ARPIN: variants seen among roughly 807,000 people sequenced by gnomAD.
The protein encoded by ARPIN is actin related protein 2/3 complex inhibitor.
ARPIN carries 23 observed loss-of-function variants against 25.9 expected under a neutral mutation model. The observed-to-expected ratio is 0.89, with a 90% CI of 0.64 to 1.26. ARPIN has a LOEUF of 1.26. ARPIN is among the 50% of genes most tolerant of loss of function. The pLI is 0.00. For synonymous variants in ARPIN, 126 were observed against 131.4 expected, an observed-to-expected ratio of 0.96 and a Z score of 0.28; for missense variants, 333 against 312.2, an observed-to-expected ratio of 1.07 and a Z score of -0.50.
rs1285264901 is a variant in ARPIN, at chr15:89,908,284, GGAC to G, written c.294_296del (p.Ser99del). On this transcript the variant is annotated inframe_deletion, in exon 3 of 6. Coordinates refer to ENST00000357484, the MANE Select transcript of ARPIN (RefSeq NM_182616.4). Reference sequence around the variant, plus strand: ...GGGAGGGCAGAGGATACCTACTGTAGGACGACATGAGGAAGCCCGTGTTCACCT... The same window carrying G: ...GGGAGGGCAGAGGATACCTACTGTAGGACATGAGGAAGCCCGTGTTCACCT... The G allele has an allele frequency of 2.5e-6, 4 of 1,614,028 alleles. No individual in the cohort carries two copies. Among genetic ancestry groups the G allele is most frequent in the African/African-American group, 1.3e-5 (1 of 74,930 alleles).
rs79709796 is a variant in ARPIN, at chr15:89,895,879, TTTTGTTTGTTTGTTTG to T, written c.*5900_*5915del. 6.6e-6 allele frequency: 1 copy of T among 151,398 alleles called. No homozygotes were observed. The highest frequency in any genetic ancestry group is 2.4e-5 in the African/African-American group (1 of 40,946). 9.4% of individuals were successfully genotyped at this position (151,398 alleles called of 1,614,324 possible). A position where few individuals can be genotyped will look rare whatever the true frequency, so the allele number is the denominator to read the frequency against. On this transcript the variant is annotated 3_prime_UTR_variant, in exon 6 of 6. Transcript: ENST00000357484. ...AACCGCCACCACGCCTAGTCCAGTT[TTTTGTTTGTTTGTTTG>T]TTTGTTTGTTTGAGATGGAGTCTCA...
chr15:89,906,574 T>C (rs1567196065), intron 3 of ARPIN, among the ~76,000 whole-genome samples: 1 of 152,194 alleles, frequency 6.6e-6, no homozygotes, highest in East Asian at 1.9e-4. Context: ...CTAAGAACAT[T>C]TCAAGTATAC....
intron 5 of ARPIN, among the ~76,000 whole-genome samples, chr15:89,902,120 A>C (rs367677344): frequency 4.6e-4 from 70 of 152,322 alleles, no homozygotes; most frequent in African/African-American, 1.5e-3. Context: ...TCAGATGTTC[A>C]TTTTGAGGCC....
intron 3 of ARPIN, among the ~76,000 whole-genome samples, chr15:89,905,514 C>A (rs7184040): frequency 0.013 from 2,051 of 152,158 alleles, 58 homozygotes; most frequent in African/African-American, 0.047. Flanking sequence ...CTGGCTTTGA[C>A]ACCTACTGCT....
rs1230658488 is a variant in ARPIN, at chr15:89,895,265, C to T, written c.*6530G>A. 1 of 152,046 alleles carries T rather than the reference C, an allele frequency of 6.6e-6. No individual in the cohort carries two copies. Among genetic ancestry groups the T allele is most frequent in the African/African-American group, 2.4e-5 (1 of 41,396 alleles). 9.4% of individuals were successfully genotyped at this position (152,046 alleles called of 1,614,324 possible). ...ATCATGCTGGGAAAGATTTATGATA[C>T]GGAAGTGTTCATGACACCTGTTAAG... On this transcript the variant is annotated 3_prime_UTR_variant, in exon 6 of 6. Coordinates refer to ENST00000357484, the MANE Select transcript of ARPIN (RefSeq NM_182616.4).
chr15:89,906,937 A>T (rs1263786068), intron 3 of ARPIN, among the ~76,000 whole-genome samples: 1 of 151,842 alleles, frequency 6.6e-6, no homozygotes, highest in African/African-American at 2.4e-5. Flanking sequence ...CCTGGGGGAC[A>T]GAGCCAGACT....
rs200381197 is a variant in ARPIN, at chr15:89,897,072, G to A, written c.*4723C>T. The A allele has an allele frequency of 6.6e-6, 1 of 152,312 alleles. No homozygotes were observed. The highest frequency in any genetic ancestry group is 3.4e-3 in the Middle Eastern group (1 of 294). The allele number at this position is 152,312 out of a possible 1,614,324, so 9.4% of individuals were successfully genotyped here. The stretch of plus-strand genomic sequence containing the variant: ...AATATAGTTAGAGGTGGGGAATTAA[G>A]AGAACTATATAATTTTCAACATTTT... On this transcript the variant is annotated 3_prime_UTR_variant, in exon 6 of 6. Coordinates refer to ENST00000357484, the MANE Select transcript of ARPIN (RefSeq NM_182616.4).
intron 3 of ARPIN, among the ~76,000 whole-genome samples, chr15:89,906,253 C>T (rs1399127174): frequency 2.0e-5 from 3 of 152,128 alleles, no homozygotes; most frequent in African/African-American, 7.2e-5. Context: ...ACATCACCTG[C>T]CTACTTAAAA....
intron 5 of ARPIN, 172 bp downstream of exon 5, chr15:89,903,044 A>G (rs1897048691): frequency 3.4e-6 from 5 of 1,490,286 alleles, no homozygotes; most frequent in Non-Finnish European, 3.6e-6. Flanking sequence ...GTCATTCTTC[A>G]TACCTTAGAG....
At chr15:89,910,858 C>A in intron 1 of ARPIN, 39 bp from the exon 2 acceptor site, 2 of 1,610,556 alleles carry the variant, frequency 1.2e-6, no homozygotes, top group South Asian at 2.2e-5. Context: ...CCAGTTTTGT[C>A]AGTCCTCAGC....
Position 89,910,817 on chromosome 15 carries a change from C to T in ARPIN, c.95G>A (p.Gly32Glu). 5.6e-6 allele frequency: 9 copies of T among 1,614,014 alleles called. No homozygotes were observed. The highest frequency in any genetic ancestry group is 7.6e-6 in the Non-Finnish European group (9 of 1,179,954). ...TTCTCCCTCCAGCAGGACACCATTT[C>T]CCCTGGGGATGAAAGGGAAAGAAAG... ...GAWDPAAHQG[G>E]NGVLLEGELI... The change falls in exon 2 of 6, where the codon GGA (glycine) becomes GAA (glutamate). Residue 32 changes from glycine to glutamate, a missense_variant and splice_region_variant. Coordinates refer to ENST00000357484, the MANE Select transcript of ARPIN (RefSeq NM_182616.4).
Position 89,912,461 on chromosome 15 carries a change from GGCGAA to G in ARPIN, c.92+278_92+282del, listed in dbSNP as rs1011174717. The G allele has an allele frequency of 9.7e-6, 12 of 1,239,496 alleles. No homozygotes were observed. The African/African-American group carries it at 1.9e-4, about 19-fold the overall frequency. The allele number at this position is 1,239,496 out of a possible 1,614,324, so 76.8% of individuals were successfully genotyped here. A position where few individuals can be genotyped will look rare whatever the true frequency, so the allele number is the denominator to read the frequency against. On this transcript the variant is annotated intron_variant, in intron 1 of 5. Coordinates refer to ENST00000357484, the MANE Select transcript of ARPIN (RefSeq NM_182616.4). ...GGGGTGGGGCCGGAGGTCGGCGTGA[GGCGAA>G]GCCCAGCCTTCGGAGACCTGTCTGG...
intron 1 of ARPIN, chr15:89,912,485 T>C: frequency 7.9e-7 from 1 of 1,262,510 alleles, no homozygotes; most frequent in Non-Finnish European, 1.0e-6. Context: ...TTCGGAGACC[T>C]GTCTGGGGGT....
chr15:89,912,721 C>A, intron 1 of ARPIN, 23 bp downstream of exon 1: 1 of 1,380,122 alleles, frequency 7.2e-7, no homozygotes, highest in Non-Finnish European at 9.4e-7. Context: ...GAGGCCGACC[C>A]GAGGCCGTGA....
chr15:89,912,945 C>T lies in ARPIN; in HGVS notation c.-110G>A. The T allele has an allele frequency of 7.4e-7, 1 of 1,344,994 alleles. No homozygotes were observed. The highest frequency in any genetic ancestry group is 9.6e-7 in the Non-Finnish European group (1 of 1,036,362). The allele number at this position is 1,344,994 out of a possible 1,614,324, so 83.3% of individuals were successfully genotyped here. A position where few individuals can be genotyped will look rare whatever the true frequency, so the allele number is the denominator to read the frequency against. On this transcript the variant is annotated 5_prime_UTR_variant, in exon 1 of 6. Coordinates refer to ENST00000357484, the MANE Select transcript of ARPIN (RefSeq NM_182616.4). ...GACCCGCGATTCCCAGCCGGCGGAT[C>T]CGGGAATGGCGCGGCCCGGCCCTCA...
At position 89,898,964 on chromosome 15, in the gene ARPIN, A is replaced by C. The variant is rs532060931; in HGVS notation, c.*2831T>G. The C allele has an allele frequency of 1.3e-5, 2 of 152,220 alleles. No individual in the cohort carries two copies. Among genetic ancestry groups the C allele is most frequent in the African/African-American group, 4.8e-5 (2 of 41,404 alleles). 9.4% of individuals were successfully genotyped at this position (152,220 alleles called of 1,614,324 possible). ...CAAAATCAGGGGCTTTGGCCTCACCATCTGCCCATGCAGATGCCTATGCCA... is the reference window on the plus strand; with the variant it reads ...CAAAATCAGGGGCTTTGGCCTCACCCTCTGCCCATGCAGATGCCTATGCCA... On this transcript the variant is annotated 3_prime_UTR_variant, in exon 6 of 6. Transcript: ENST00000357484.
Position 89,896,825 on chromosome 15 carries a change from ATAT to A in ARPIN, c.*4967_*4969del, listed in dbSNP as rs1227299428. ...GAAAGGCAAATTAAAATATATTCAA[ATAT>A]TATTTTCACCTCATCAAAAATCATT... On this transcript the variant is annotated 3_prime_UTR_variant, in exon 6 of 6. Transcript: ENST00000357484. 2 of 152,208 alleles carry A rather than the reference ATAT, an allele frequency of 1.3e-5. No homozygotes were observed. Among genetic ancestry groups the A allele is most frequent in the Non-Finnish European group, 1.5e-5 (1 of 68,050 alleles). 9.4% of individuals were successfully genotyped at this position (152,208 alleles called of 1,614,324 possible).
rs557954586 is a variant in ARPIN at position 89,907,843 on chromosome 15, A to AAATAAAC, written c.301+430_301+436dup. On this transcript the variant is annotated intron_variant, in intron 3 of 5. Coordinates refer to ENST00000357484, the MANE Select transcript of ARPIN (RefSeq NM_182616.4). ...ACAAAAATTTTAAAAATTAAAAATA[A>AAATAAAC]AATAAACAAACACATTTCTATTGTT... Among the ~76,000 whole-genome samples, 406 of 152,372 alleles carry AAATAAAC rather than the reference A, an allele frequency of 2.7e-3. 2 individuals are homozygous for AAATAAAC. Among genetic ancestry groups the AAATAAAC allele is most frequent in the Non-Finnish European group, 4.3e-3 (295 of 68,034 alleles).
At chr15:89,909,141 A>C (rs1197255979) in intron 2 of ARPIN, among the ~76,000 whole-genome samples, 1 of 152,200 alleles carries the variant, frequency 6.6e-6, no homozygotes, top group Non-Finnish European at 1.5e-5. Flanking sequence ...GCCTGGGACA[A>C]ACCACTCAGT....
Sources: gnomAD v4.1 joint callset for allele counts (sites outside exome capture counted in the v4.1 genomes callset) on GRCh38, gnomAD v4.1.1 for gene constraint, MANE v1.5 for transcripts, NCBI Gene and HGNC (gene_info 2026-07-23, HGNC 2026-07-21) for gene names.